CFAP92: variants seen among roughly 807,000 people sequenced by gnomAD.
CFAP92 encodes the protein cilia and flagella associated protein 92 (putative).
A neutral mutation model predicts 106.3 loss-of-function variants in CFAP92; 86 were observed. The observed-to-expected ratio is 0.81, with a 90% CI of 0.68 to 0.97. The LOEUF (loss-of-function observed/expected upper bound fraction) is 0.97, where lower values mean the gene tolerates loss of function less well. Ranked by LOEUF, CFAP92 falls within the 50% of genes least tolerant of loss-of-function variation. CFAP92 has a pLI of 0.00. For missense variants in CFAP92, 1,204 were observed against 1,283.8 expected, an observed-to-expected ratio of 0.94 and a Z score of 0.95; for synonymous variants, 477 against 506.4, an observed-to-expected ratio of 0.94 and a Z score of 0.78.
At chr3:129,011,149 A>C in the CFAP92 span, among the ~76,000 whole-genome samples, 1 of 152,242 alleles carries the variant, frequency 6.6e-6, no homozygotes, top group Non-Finnish European at 1.5e-5. Flanking sequence ...CATCTGTAAA[A>C]TGAGATGAGA....
intron 10 of CFAP92, among the ~76,000 whole-genome samples, chr3:128,940,883 A>G (rs1267813410): frequency 6.6e-6 from 1 of 152,158 alleles, no homozygotes; most frequent in Non-Finnish European, 1.5e-5. Context: ...TTTGATGAAA[A>G]AAAAAAGTAT....
intron 10 of CFAP92, among the ~76,000 whole-genome samples, chr3:128,944,783 T>C (rs1940040066): frequency 6.6e-6 from 1 of 152,166 alleles, no homozygotes; most frequent in African/African-American, 2.4e-5. Context: ...ATACAGAATA[T>C]TCTGCTCCTG....
chr3:129,001,463 A>C (rs1944740598), intron 1 of CFAP92, among the ~76,000 whole-genome samples: 1 of 152,164 alleles, frequency 6.6e-6, no homozygotes, highest in Non-Finnish European at 1.5e-5. Flanking sequence ...GGTAAACCAG[A>C]CGCACTGTGA....
intron 7 of CFAP92, among the ~76,000 whole-genome samples, chr3:128,972,179 C>T (rs981547973): frequency 6.6e-6 from 1 of 151,686 alleles, no homozygotes; most frequent in Admixed American, 6.6e-5. Context: ...AAGTATAAAA[C>T]AAAAACTTTA....
intron 9 of CFAP92, among the ~76,000 whole-genome samples, chr3:128,961,500 T>C (rs1576536394): frequency 4.9e-5 from 1 of 20,342 alleles, no homozygotes; most frequent in African/African-American, 2.8e-3. Flanking sequence ...CTGCTTATGG[T>C]TTTCATTCCG....
At chr3:128,910,686 C>T (rs909857752) in intron 15 of CFAP92, 1 of 1,601,086 alleles carries the variant, frequency 6.2e-7, no homozygotes, top group African/African-American at 1.3e-5. Flanking sequence ...TTTTGAAGCT[C>T]AGAGGTCTGA....
rs1936724595 is a variant in CFAP92, at chr3:128,915,361, T to C, written c.3119A>G (p.Asn1040Ser). Residue 1040 changes from asparagine (N) to serine (S), a missense_variant, in exon 14 of 16, where the codon AAT (asparagine) becomes AGT (serine). Transcript: ENST00000645291. ...ACCCTGCTCTTCCCTGTGGACCTCA[T>C]TCAGCTCTTTGATGGGTGGCAGCTT... is the stretch of plus-strand genomic sequence containing the variant. ...DLKLPPIKELNEEWKENSLFA... is the reference protein window; with the variant it reads ...DLKLPPIKELSEEWKENSLFA... 6.5e-7 allele frequency: 1 copy of C among 1,536,138 alleles called. No homozygotes were observed.
At chr3:128,977,114 C>A in intron 5 of CFAP92, 48 bp from the exon 6 acceptor site, 1 of 1,511,658 alleles carries the variant, frequency 6.6e-7, no homozygotes, top group South Asian at 1.1e-5. Context: ...CATGCTAGTT[C>A]ACTAAGAAAT....
chr3:128,964,575 G>A (rs1003258550), intron 9 of CFAP92, among the ~76,000 whole-genome samples: 2 of 152,092 alleles, frequency 1.3e-5, no homozygotes, highest in Admixed American at 1.3e-4. Flanking sequence ...ATCTTTGCTG[G>A]CAGGACTATG....
chr3:129,002,668 A>C, exon 1 of CFAP92: 2 of 310,608 alleles, frequency 6.4e-6, no homozygotes, highest in Non-Finnish European at 1.2e-5. Flanking sequence ...CCCTTTCAAC[A>C]AGCATCTTTC....
At chr3:128,934,203 C>T (rs573162197) in intron 11 of CFAP92, among the ~76,000 whole-genome samples, 12 of 152,318 alleles carry the variant, frequency 7.9e-5, no homozygotes, top group African/African-American at 2.4e-4. Flanking sequence ...CCACAGGCCC[C>T]CTAGAGCCAG....
At chr3:128,979,361 G>A (rs1169526851) in intron 4 of CFAP92, among the ~76,000 whole-genome samples, 1 of 152,188 alleles carries the variant, frequency 6.6e-6, no homozygotes, top group Non-Finnish European at 1.5e-5. Flanking sequence ...CTGTAAACTA[G>A]TTCAACCACT....
At chr3:128,985,543 A>G (rs1943799426) in intron 4 of CFAP92, among the ~76,000 whole-genome samples, 1 of 152,032 alleles carries the variant, frequency 6.6e-6, no homozygotes, top group Non-Finnish European at 1.5e-5. Context: ...AATTCCCTTT[A>G]CCCACCCAAA....
At chr3:128,962,992 C>G (rs1576543810) in intron 9 of CFAP92, among the ~76,000 whole-genome samples, 1 of 152,206 alleles carries the variant, frequency 6.6e-6, no homozygotes, top group Non-Finnish European at 1.5e-5. Flanking sequence ...GTCATCCCAG[C>G]CTCTCTTTGC....
intron 12 of CFAP92, among the ~76,000 whole-genome samples, chr3:128,924,969 C>T (rs2249514): frequency 0.43 from 65,891 of 152,100 alleles, 16,799 homozygotes; most frequent in African/African-American, 0.7. Context: ...CATACTAGCA[C>T]TGGCCCCCTA....
intron 12 of CFAP92, among the ~76,000 whole-genome samples, chr3:128,931,501 A>ATGTATG (rs1209062215): frequency 1.8e-4 from 23 of 125,646 alleles, no homozygotes; most frequent in Middle Eastern, 4.1e-3. Context: ...ATGTATATGT[A>ATGTATG]TATATGTATA....
At chr3:128,941,965 G>A (rs1215196747) in intron 10 of CFAP92, among the ~76,000 whole-genome samples, 1 of 152,094 alleles carries the variant, frequency 6.6e-6, no homozygotes, top group Non-Finnish European at 1.5e-5. Context: ...GGTTCAATGA[G>A]CATGCTTCAT....
At chr3:128,918,742 T>C (rs966183187) in intron 12 of CFAP92, among the ~76,000 whole-genome samples, 1 of 152,148 alleles carries the variant, frequency 6.6e-6, no homozygotes, top group African/African-American at 2.4e-5. Flanking sequence ...TAATGTTCAG[T>C]AGGAATGCCT....
At chr3:128,938,317 A>G (rs1163074395) in intron 10 of CFAP92, among the ~76,000 whole-genome samples, 1 of 152,088 alleles carries the variant, frequency 6.6e-6, no homozygotes, top group African/African-American at 2.4e-5. Context: ...CCTAGACTAG[A>G]GTTGATTTTC....
Sources: gnomAD v4.1 joint callset for allele counts (sites outside exome capture counted in the v4.1 genomes callset) on GRCh38, gnomAD v4.1.1 for gene constraint, MANE v1.5 for transcripts, NCBI Gene and HGNC (gene_info 2026-07-23, HGNC 2026-07-21) for gene names.